Variants in KCNMA1 observed in about 807,000 individuals in gnomAD.
KCNMA1 encodes potassium calcium-activated channel subfamily M alpha 1.
A neutral mutation model predicts 140.0 loss-of-function variants in KCNMA1; 29 were observed. The observed-to-expected ratio is 0.21, with a 90% CI of 0.15 to 0.28. The LOEUF is 0.28. KCNMA1 is among the 10% of genes least tolerant of loss of function. The pLI is 1.00. For missense variants in KCNMA1, 880 were observed against 1,602.2 expected (o/e 0.55, Z 7.70); for synonymous variants, 612 against 611.9 (o/e 1.00, Z 0.00).
At chr10:77,307,994 G>A (rs1438319873) in intron 2 of KCNMA1, among the ~76,000 whole-genome samples, 1 of 152,140 alleles carries the variant, frequency 6.6e-6, no homozygotes, top group Non-Finnish European at 1.5e-5. Context: ...TCTAATAATT[G>A]CATGTTCATT....
At chr10:77,014,167 G>A (rs901250094) in intron 17 of KCNMA1, among the ~76,000 whole-genome samples, 11 of 152,072 alleles carry the variant, frequency 7.2e-5, no homozygotes, top group Admixed American at 4.6e-4. Context: ...GGCGGCTGAC[G>A]CCTGTAATCC....
intron 2 of KCNMA1, among the ~76,000 whole-genome samples, chr10:77,390,951 G>C (rs1195725644): frequency 2.0e-5 from 3 of 152,032 alleles, no homozygotes; most frequent in Non-Finnish European, 2.9e-5. Flanking sequence ...CCTTTTCAAT[G>C]AACTGTCCTG....
At chr10:77,230,153 C>T (rs73282132) in intron 3 of KCNMA1, among the ~76,000 whole-genome samples, 2,289 of 152,262 alleles carry the variant, frequency 0.015, 56 homozygotes, top group African/African-American at 0.052. Context: ...CGTGGATGAA[C>T]CTTGAAAGCA....
chr10:77,596,955 G>C (rs1185038900), intron 1 of KCNMA1, among the ~76,000 whole-genome samples: 1 of 152,202 alleles, frequency 6.6e-6, no homozygotes, highest in Non-Finnish European at 1.5e-5. Context: ...GGCAAAGCCA[G>C]GCAACTGAGA....
rs138907475 is a variant in KCNMA1, at chr10:77,510,914, G to A, written c.379-106891C>T. On this transcript the variant is annotated intron_variant, in intron 1 of 27. Coordinates refer to ENST00000286628, the MANE Select transcript of KCNMA1 (RefSeq NM_001161352.2). The stretch of plus-strand genomic sequence containing the variant: ...GATGACTTTCCATGTGGAAACACAT[G>A]GAAATAACATATCTCCAACACATGG... Among the ~76,000 whole-genome samples, 525 of 152,280 alleles carry A rather than the reference G, an allele frequency of 3.4e-3. 4 individuals are homozygous for A. Among genetic ancestry groups the A allele is most frequent in the African/African-American group, 0.011 (476 of 41,560 alleles).
At chr10:77,360,666 C>T (rs887502840) in intron 2 of KCNMA1, among the ~76,000 whole-genome samples, 4 of 152,204 alleles carry the variant, frequency 2.6e-5, no homozygotes, top group African/African-American at 9.7e-5. Context: ...TCTCATCTTC[C>T]CATTCACTTC....
chr10:77,147,973 C>T (rs2098340010), intron 5 of KCNMA1, among the ~76,000 whole-genome samples: 1 of 152,128 alleles, frequency 6.6e-6, no homozygotes, highest in Non-Finnish European at 1.5e-5. Flanking sequence ...CAGCACCTGC[C>T]ACCACCAAGA....
At chr10:77,627,549 T>C (rs578198269) in intron 1 of KCNMA1, among the ~76,000 whole-genome samples, 2 of 152,174 alleles carry the variant, frequency 1.3e-5, no homozygotes, top group South Asian at 2.1e-4. Flanking sequence ...AGGGAAGCCA[T>C]CAGGGAGAAA....
At chr10:77,409,214 T>C (rs1300563055) in intron 1 of KCNMA1, among the ~76,000 whole-genome samples, 6 of 152,170 alleles carry the variant, frequency 3.9e-5, no homozygotes, top group Admixed American at 3.3e-4. Context: ...GTGCTCAAGA[T>C]ACAAACCTCA....
chr10:77,425,085 GTGGATGGATGGA>G (rs59773000), intron 1 of KCNMA1, among the ~76,000 whole-genome samples: 1 of 151,036 alleles, frequency 6.6e-6, no homozygotes, highest in South Asian at 2.1e-4. Flanking sequence ...GGATGGATGA[GTGGATGGATGGA>G]TGGATGGATG....
intron 19 of KCNMA1, chr10:76,974,674 A>T: frequency 1.2e-6 from 1 of 805,158 alleles, no homozygotes; most frequent in Non-Finnish European, 2.0e-6. Context: ...CTTTGAATCA[A>T]ACTGGAAGTT....
intron 20 of KCNMA1, among the ~76,000 whole-genome samples, chr10:76,954,282 C>CAA: frequency 6.9e-6 from 1 of 144,074 alleles, no homozygotes; most frequent in South Asian, 2.2e-4. Context: ...CACACACACA[C>CAA]ACACACACAC....
At chr10:77,323,884 A>G (rs1387422067) in intron 2 of KCNMA1, among the ~76,000 whole-genome samples, 2 of 152,100 alleles carry the variant, frequency 1.3e-5, no homozygotes, top group Non-Finnish European at 2.9e-5. Flanking sequence ...AAGATATAGA[A>G]CCATCCACTG....
intron 26 of KCNMA1, chr10:76,891,273 C>A: frequency 1.9e-6 from 1 of 513,496 alleles, no homozygotes. Flanking sequence ...TCTCTCTGGG[C>A]CTCAGTTGAC....
chr10:77,547,672 A>T (rs75332220), intron 1 of KCNMA1, among the ~76,000 whole-genome samples: 276 of 152,310 alleles, frequency 1.8e-3, no homozygotes, highest in Non-Finnish European at 3.1e-3. Flanking sequence ...ATATTCTCTT[A>T]AAAAGGTTTT....
chr10:77,115,899 A>T (rs1596292221), intron 6 of KCNMA1, among the ~76,000 whole-genome samples: 1 of 152,196 alleles, frequency 6.6e-6, no homozygotes, highest in East Asian at 1.9e-4. Context: ...CAAAAGATGC[A>T]AGGTTAACCC....
chr10:77,295,567 G>C (rs1217773143), intron 2 of KCNMA1, among the ~76,000 whole-genome samples: 2 of 151,138 alleles, frequency 1.3e-5, no homozygotes, highest in African/African-American at 4.9e-5. Flanking sequence ...GGATCATGAG[G>C]TCAGGAGATC....
intron 5 of KCNMA1, among the ~76,000 whole-genome samples, chr10:77,156,054 C>T (rs572188280): frequency 2.0e-5 from 3 of 151,880 alleles, no homozygotes; most frequent in Non-Finnish European, 4.4e-5. Context: ...GGTGAAACTC[C>T]GTCTGTACTA....
chr10:76,944,193 C>A (rs1364891313), intron 23 of KCNMA1, among the ~76,000 whole-genome samples: 1 of 152,146 alleles, frequency 6.6e-6, no homozygotes, highest in East Asian at 1.9e-4. Flanking sequence ...ACAGGAAAGA[C>A]TAGGGGCAGA....
Sources: gnomAD v4.1 joint callset for allele counts (sites outside exome capture counted in the v4.1 genomes callset) on GRCh38, gnomAD v4.1.1 for gene constraint, MANE v1.5 for transcripts, NCBI Gene and HGNC (gene_info 2026-07-23, HGNC 2026-07-21) for gene names.